Variants in ATF6 observed in about 807,000 individuals in gnomAD.
ATF6 encodes the protein activating transcription factor 6, also known as cyclic AMP-dependent transcription factor ATF-6 alpha.
In ATF6, 53 loss-of-function variants were observed where a neutral mutation model predicts 83.6. The ratio of observed to expected loss-of-function variants is 0.63; its 90% CI spans 0.51 to 0.80. The LOEUF (loss-of-function observed/expected upper bound fraction) is 0.80, where lower values mean the gene tolerates loss of function less well. ATF6 is among the 30% of genes least tolerant of loss of function. The pLI is 0.00. For missense variants in ATF6, 744 were observed against 797.9 expected, an observed-to-expected ratio of 0.93 and a Z score of 0.81; for synonymous variants, 288 against 285.8, an observed-to-expected ratio of 1.01 and a Z score of -0.08.
intron 15 of ATF6, among the ~76,000 whole-genome samples, chr1:161,932,271 A>G (rs564608040): frequency 4.4e-4 from 67 of 152,264 alleles, no homozygotes; most frequent in African/African-American, 1.6e-3. Flanking sequence ...ACTTTTTAAG[A>G]CAATATTATT....
At chr1:161,878,920 T>G (rs1401510771) in intron 14 of ATF6, among the ~76,000 whole-genome samples, 3 of 151,974 alleles carry the variant, frequency 2.0e-5, no homozygotes, top group African/African-American at 7.3e-5. Flanking sequence ...TAAAAGAAAA[T>G]AGAGAAAAGG....
At chr1:161,770,757 T>C (rs567513700) in intron 1 of ATF6, among the ~76,000 whole-genome samples, 1 of 152,378 alleles carries the variant, frequency 6.6e-6, no homozygotes, top group African/African-American at 2.4e-5. Flanking sequence ...CTTCCAACTT[T>C]TGGCAATTAT....
chr1:161,892,625 A>ATTT (rs1687580698), intron 14 of ATF6, among the ~76,000 whole-genome samples: 6 of 132,434 alleles, frequency 4.5e-5, no homozygotes, highest in Admixed American at 2.5e-4. Flanking sequence ...TATACAGGTC[A>ATTT]TTCTTTTTTT....
intron 10 of ATF6, among the ~76,000 whole-genome samples, chr1:161,848,114 A>G (rs1686526150): frequency 6.8e-6 from 1 of 146,614 alleles, no homozygotes; most frequent in Non-Finnish European, 1.5e-5. Context: ...CTTGGGGAAA[A>G]AAAAAAACCA....
chr1:161,856,973 A>G (rs1279366461), intron 12 of ATF6, among the ~76,000 whole-genome samples: 1 of 152,206 alleles, frequency 6.6e-6, no homozygotes, highest in Non-Finnish European at 1.5e-5. Context: ...ATGCTCAGAA[A>G]TGTGAGAATC....
chr1:161,931,543 G>A (rs1048399951), intron 15 of ATF6, among the ~76,000 whole-genome samples: 7 of 149,466 alleles, frequency 4.7e-5, no homozygotes, highest in African/African-American at 1.5e-4. Context: ...ATAACTCAGT[G>A]GTTTTTAGTA....
chr1:161,861,413 T>C (rs2101837082), intron 13 of ATF6, among the ~76,000 whole-genome samples: 1 of 152,322 alleles, frequency 6.6e-6, no homozygotes, highest in East Asian at 1.9e-4. Context: ...CATGAATGTT[T>C]AAAATCCTGA....
chr1:161,810,280 G>C (rs575453588), intron 7 of ATF6, among the ~76,000 whole-genome samples: 1 of 152,330 alleles, frequency 6.6e-6, no homozygotes, highest in African/African-American at 2.4e-5. Flanking sequence ...AATCATGACT[G>C]TGGGTGAGGG....
In ATF6 at chr1:161,784,028, GCCT is replaced by G. The variant is rs1458296315; in HGVS notation, c.291_293del (p.Ser99del). ...GGCAGAACCTCAGCCACTTTCTCCAGCCTCCTCAAGTTATTCAGTCTCGTCTCC... is the reference window on the plus strand; with the variant it reads ...GGCAGAACCTCAGCCACTTTCTCCAGCCTCAAGTTATTCAGTCTCGTCTCC... On this transcript the variant is annotated inframe_deletion, in exon 4 of 16. Coordinates refer to ENST00000367942, the MANE Select transcript of ATF6 (RefSeq NM_007348.4). The G allele has an allele frequency of 3.7e-6, 6 of 1,613,620 alleles. No homozygotes were observed. The African/African-American group carries it at 8.0e-5, about 22-fold the overall frequency.
intron 15 of ATF6, among the ~76,000 whole-genome samples, chr1:161,917,338 TG>T (rs1558024325): frequency 6.6e-6 from 1 of 152,204 alleles, no homozygotes. Flanking sequence ...ATCCTGGGGA[TG>T]GGACCCAAGT....
chr1:161,840,603 T>A (rs1281139080), intron 9 of ATF6: 1 of 152,218 alleles, frequency 6.6e-6, no homozygotes, highest in East Asian at 1.9e-4. Context: ...GAAACCACAC[T>A]GTAAGGATTA....
At chr1:161,877,347 G>A (rs1264171856) in intron 14 of ATF6, among the ~76,000 whole-genome samples, 1 of 152,054 alleles carries the variant, frequency 6.6e-6, no homozygotes, top group Non-Finnish European at 1.5e-5. Flanking sequence ...AACACACAAT[G>A]GACTCAGAGA....
chr1:161,928,869 T>C (rs999372602), intron 15 of ATF6, among the ~76,000 whole-genome samples: 1 of 152,250 alleles, frequency 6.6e-6, no homozygotes, highest in Admixed American at 6.5e-5. Flanking sequence ...CAAAGTGGGC[T>C]ATAAACATGA....
intron 12 of ATF6, among the ~76,000 whole-genome samples, chr1:161,856,198 A>G (rs1182066308): frequency 2.0e-5 from 3 of 152,250 alleles, no homozygotes; most frequent in Non-Finnish European, 4.4e-5. Context: ...TTTCATACAT[A>G]AAATGAGGGC....
chr1:161,848,457 C>A (rs1686533912), intron 10 of ATF6, among the ~76,000 whole-genome samples: 1 of 151,964 alleles, frequency 6.6e-6, no homozygotes, highest in African/African-American at 2.4e-5. Context: ...TGAGTAGATT[C>A]TAATCCCATA....
intron 14 of ATF6, among the ~76,000 whole-genome samples, chr1:161,868,195 C>G (rs1687049414): frequency 6.6e-6 from 1 of 152,164 alleles, no homozygotes; most frequent in Non-Finnish European, 1.5e-5. Context: ...TCATACTCCT[C>G]AAACACAAAG....
intron 14 of ATF6, among the ~76,000 whole-genome samples, chr1:161,878,338 C>T (rs1044903805): frequency 1.2e-4 from 18 of 152,100 alleles, no homozygotes; most frequent in Non-Finnish European, 2.4e-4. Context: ...TGGTCTTGAA[C>T]TCCCAACCTC....
intron 4 of ATF6, among the ~76,000 whole-genome samples, chr1:161,790,223 GT>G (rs1231319533): frequency 6.6e-6 from 1 of 151,976 alleles, no homozygotes; most frequent in Non-Finnish European, 1.5e-5. Context: ...GCTTCTGTGT[GT>G]TCTGACTTAA....
intron 14 of ATF6, among the ~76,000 whole-genome samples, chr1:161,909,871 G>T (rs969100113): frequency 2.6e-5 from 4 of 152,180 alleles, no homozygotes; most frequent in Non-Finnish European, 2.9e-5. Context: ...CAGGAGAATG[G>T]CATGAACCCG....
Sources: allele counts gnomAD v4.1 joint callset (sites outside exome capture counted in the v4.1 genomes callset), GRCh38; gene constraint gnomAD v4.1.1; transcripts MANE v1.5; gene names NCBI Gene and HGNC (gene_info 2026-07-23, HGNC 2026-07-21).